Variants in PTPRT observed in about 807,000 individuals in gnomAD.
The protein encoded by PTPRT is protein tyrosine phosphatase receptor type T.
In PTPRT, 56 loss-of-function variants were observed where a neutral mutation model predicts 176.8. The ratio of observed to expected loss-of-function variants is 0.32; its 90% CI spans 0.26 to 0.40. The LOEUF is 0.40. PTPRT is among the 10% of genes least tolerant of loss of function. PTPRT has a pLI of 1.00. For synonymous variants in PTPRT, 783 were observed against 739.0 expected (o/e 1.06, Z -0.96); for missense variants, 1,540 against 1,908.2 (o/e 0.81, Z 3.60).
chr20:43,160,160 C>T lies in PTPRT; in HGVS notation c.88+29486G>A, dbSNP rs377400806. ...GAGCAAGAAGCCACCAGAATACCAA[C>T]GAGCAGGGAGGTCTCCATGCCAGGA... On this transcript the variant is annotated intron_variant, in intron 1 of 30. Transcript: ENST00000373187. 5.9e-5 allele frequency among the ~76,000 whole-genome samples: 9 copies of T among 152,268 alleles called. No homozygotes were observed. The South Asian group carries it at 1.7e-3, about 28-fold the overall frequency.
chr20:42,259,109 C>T (rs2056700039), intron 13 of PTPRT, among the ~76,000 whole-genome samples: 1 of 152,182 alleles, frequency 6.6e-6, no homozygotes, highest in South Asian at 2.1e-4. Context: ...AGCACTCAGG[C>T]CACTCAAATA....
intron 9 of PTPRT, among the ~76,000 whole-genome samples, chr20:42,421,201 G>A (rs749321216): frequency 1.3e-5 from 2 of 151,910 alleles, no homozygotes; most frequent in South Asian, 2.1e-4. Context: ...TCTTCTCAAC[G>A]TAATGACATG....
At chr20:42,059,854 A>G in the PTPRT span, among the ~76,000 whole-genome samples, 2 of 152,288 alleles carry the variant, frequency 1.3e-5, no homozygotes, top group African/African-American at 4.8e-5. Flanking sequence ...TCATTATTGT[A>G]TAAGGTAATA....
At position 42,562,939 on chromosome 20, in the gene PTPRT, G is replaced by GCAAAA. The variant is rs532622373; in HGVS notation, c.1154-90382_1154-90378dup. Among the ~76,000 whole-genome samples, 3 of 152,028 alleles carry GCAAAA rather than the reference G, an allele frequency of 2.0e-5. No individual in the cohort carries two copies. In the East Asian group the frequency reaches 5.8e-4, roughly 29 times the overall value. On this transcript the variant is annotated intron_variant, in intron 7 of 30. Coordinates refer to ENST00000373187, the MANE Select transcript of PTPRT (RefSeq NM_007050.6). ...TTCTAGAAAGATTAAAAACTCGAAG[G>GCAAAA]CAAAACAAAACAAAACAATAAAAGT...
At chr20:42,973,531 A>G (rs1982777387) in intron 1 of PTPRT, among the ~76,000 whole-genome samples, 2 of 152,078 alleles carry the variant, frequency 1.3e-5, no homozygotes, top group African/African-American at 2.4e-5. Flanking sequence ...TTTAATCACG[A>G]ATGCATTGCC....
chr20:42,957,200 A>G (rs1053019304), intron 1 of PTPRT, among the ~76,000 whole-genome samples: 4 of 152,208 alleles, frequency 2.6e-5, no homozygotes, highest in Non-Finnish European at 5.9e-5. Context: ...GATTAACTAC[A>G]GATCAATAAA....
At chr20:42,405,055 T>C (rs1177396904) in intron 9 of PTPRT, among the ~76,000 whole-genome samples, 1 of 147,162 alleles carries the variant, frequency 6.8e-6, no homozygotes, top group Non-Finnish European at 1.5e-5. Flanking sequence ...TGAAGTCCTA[T>C]GAATGTACAG....
chr20:43,118,897 G>A (rs903904499), intron 1 of PTPRT, among the ~76,000 whole-genome samples: 2 of 152,144 alleles, frequency 1.3e-5, no homozygotes, highest in African/African-American at 4.8e-5. Flanking sequence ...TTATCATTAC[G>A]CACCCTGAGC....
chr20:43,017,927 G>T (rs540254161), intron 1 of PTPRT, among the ~76,000 whole-genome samples: 4 of 152,186 alleles, frequency 2.6e-5, no homozygotes, highest in Non-Finnish European at 5.9e-5. Context: ...CCCTAGAAAG[G>T]GCAATTCACC....
chr20:42,108,757 C>CT (rs1166787480), intron 23 of PTPRT, among the ~76,000 whole-genome samples: 1 of 152,072 alleles, frequency 6.6e-6, no homozygotes, highest in Non-Finnish European at 1.5e-5. Context: ...TATTAGAGTG[C>CT]TTACTATATG....
intron 7 of PTPRT, among the ~76,000 whole-genome samples, chr20:42,607,232 C>T (rs2073895066): frequency 6.6e-6 from 1 of 152,098 alleles, no homozygotes; most frequent in Admixed American, 6.5e-5. Flanking sequence ...ACAGAGTCTC[C>T]ATTTTGCAAG....
intron 12 of PTPRT, among the ~76,000 whole-genome samples, chr20:42,301,747 G>C (rs1272431525): frequency 2.0e-5 from 3 of 152,146 alleles, no homozygotes; most frequent in African/African-American, 7.2e-5. Flanking sequence ...TCTGTATAGA[G>C]AGCTTATTAA....
intron 9 of PTPRT, among the ~76,000 whole-genome samples, chr20:42,352,912 G>C (rs1169978248): frequency 6.6e-6 from 1 of 151,750 alleles, no homozygotes. Flanking sequence ...ATGTCATTTT[G>C]AATTTTCTGA....
chr20:42,071,696 G>A (rs1982342734), downstream of PTPRT, among the ~76,000 whole-genome samples: 1 of 152,034 alleles, frequency 6.6e-6, no homozygotes, highest in African/African-American at 2.4e-5. Context: ...TCACTCTGTT[G>A]CCCAGGGTGG....
intron 1 of PTPRT, among the ~76,000 whole-genome samples, chr20:43,139,878 T>C (rs1326124579): frequency 6.6e-6 from 1 of 152,170 alleles, no homozygotes; most frequent in Non-Finnish European, 1.5e-5. Context: ...AAAGGCTTCT[T>C]GTACGATAAG....
intron 9 of PTPRT, among the ~76,000 whole-genome samples, chr20:42,440,777 T>C (rs2145831866): frequency 6.6e-6 from 1 of 152,194 alleles, no homozygotes; most frequent in East Asian, 1.9e-4. Context: ...ATGCCCGGCC[T>C]GTATTAGTTA....
chr20:42,472,557 C>T lies in PTPRT; in HGVS notation c.1159G>A (p.Val387Ile), dbSNP rs1568910629. 1 of 1,613,468 alleles carries T rather than the reference C, an allele frequency of 6.2e-7. No homozygotes were observed. Among genetic ancestry groups the T allele is most frequent in the African/African-American group, 1.3e-5 (1 of 75,038 alleles). ...ATTTCCACGTTCTGTGGGCCATGTACCGGATCTGCAAAACATGCAGGCAAG... is the reference window on the plus strand; with the variant it reads ...ATTTCCACGTTCTGTGGGCCATGTATCGGATCTGCAAAACATGCAGGCAAG... Reference protein sequence around the residue: ...LTTRTKCADPVHGPQNVEIVD... With the variant: ...LTTRTKCADPIHGPQNVEIVD... Residue 387 changes from valine to isoleucine, a missense_variant, in exon 8 of 31, where the codon GTA becomes ATA. Physicochemically the swap from Val to Ile is conservative, Grantham distance 29 (BLOSUM62 3). Around this residue, in one of 11 missense-constraint regions of PTPRT, gnomAD observed 273 missense variants for 432.1 expected, o/e 0.63. Coordinates refer to ENST00000373187, the MANE Select transcript of PTPRT (RefSeq NM_007050.6).
chr20:43,113,714 A>C (rs560499706), intron 1 of PTPRT, among the ~76,000 whole-genome samples: 3 of 152,332 alleles, frequency 2.0e-5, no homozygotes, highest in East Asian at 3.9e-4. Context: ...CCCAGTGGAA[A>C]GATCAAAGGC....
chr20:42,057,588 GTTC>G, the PTPRT span, among the ~76,000 whole-genome samples: 2 of 151,800 alleles, frequency 1.3e-5, no homozygotes, highest in African/African-American at 2.4e-5. Context: ...GTTTCTAATT[GTTC>G]TTATCTTTTT....
Sources: gnomAD v4.1 joint callset for allele counts (sites outside exome capture counted in the v4.1 genomes callset) on GRCh38, gnomAD v4.1.1 for gene constraint, gnomAD v4.1.1 regional missense constraint, MANE v1.5 for transcripts, NCBI Gene and HGNC (gene_info 2026-07-23, HGNC 2026-07-21) for gene names.